The following CSTF3 variants were observed in gnomAD, a reference collection of about 807,000 sequenced individuals.
CSTF3 encodes the protein CF-1 77 kDa subunit.
CSTF3 carries 29 observed loss-of-function variants against 105.8 expected under a neutral mutation model. That is an observed-to-expected ratio of 0.27 (90% CI 0.20 to 0.37). The LOEUF (loss-of-function observed/expected upper bound fraction) is 0.37. Ranked by LOEUF, CSTF3 falls within the 10% of genes least tolerant of loss-of-function variation. The probability of loss-of-function intolerance (pLI) is 1.00; values close to 1 mark genes in which losing one functional copy is unlikely to be tolerated. For synonymous variants in CSTF3, 252 were observed against 281.9 expected, an observed-to-expected ratio of 0.89 and a Z score of 1.06; for missense variants, 357 against 879.3, an observed-to-expected ratio of 0.41 and a Z score of 7.51.
chr11:33,158,700 T>C (rs555521829), intron 1 of CSTF3, among the ~76,000 whole-genome samples: 1 of 152,268 alleles, frequency 6.6e-6, no homozygotes, highest in South Asian at 2.1e-4. Context: ...TGATATAATG[T>C]TAAGTATTCT....
At chr11:33,134,199 T>TA (rs1178544794) in intron 3 of CSTF3, among the ~76,000 whole-genome samples, 1 of 152,218 alleles carries the variant, frequency 6.6e-6, no homozygotes, top group Non-Finnish European at 1.5e-5. Flanking sequence ...AATTTCAAAA[T>TA]AAAGTTACAA....
chr11:33,092,168 T>C, intron 16 of CSTF3, 103 bp downstream of exon 16: 1 of 683,336 alleles, frequency 1.5e-6, no homozygotes, highest in Non-Finnish European at 2.4e-6. Flanking sequence ...AAAGGAAATT[T>C]CTCTTGAAAC....
intron 1 of CSTF3, among the ~76,000 whole-genome samples, chr11:33,160,825 T>C (rs7936601): frequency 0.01 from 1,585 of 152,352 alleles, 27 homozygotes; most frequent in African/African-American, 0.035. Flanking sequence ...AACTTGCTTC[T>C]TTCTTCACTC....
intron 3 of CSTF3, among the ~76,000 whole-genome samples, chr11:33,109,268 C>G (rs1031765185): frequency 6.6e-6 from 1 of 152,164 alleles, no homozygotes; most frequent in African/African-American, 2.4e-5. Flanking sequence ...TCTGTTTCAC[C>G]CAGATAGGTA....
chr11:33,144,364 C>T (rs1412879008), intron 1 of CSTF3, among the ~76,000 whole-genome samples: 2 of 152,104 alleles, frequency 1.3e-5, no homozygotes, highest in Admixed American at 1.3e-4. Flanking sequence ...CATATAAGAA[C>T]TTTATGAATA....
intron 1 of CSTF3, among the ~76,000 whole-genome samples, chr11:33,157,063 A>C (rs537057982): frequency 6.6e-6 from 1 of 151,962 alleles, no homozygotes; most frequent in East Asian, 2.0e-4. Flanking sequence ...AAAAAAACAA[A>C]CACCACAGGC....
At position 33,124,771 on chromosome 11, in the gene CSTF3, T is replaced by A. The variant is rs564802357; in HGVS notation, c.226-16353A>T. On this transcript the variant is annotated intron_variant, in intron 3 of 20. Coordinates refer to ENST00000323959, the MANE Select transcript of CSTF3 (RefSeq NM_001326.3). ...GCATGCGTAACTTCCACAATGGTAT[T>A]TTATTAACATGACTCTGGGTACAGA... Among the ~76,000 whole-genome samples the A allele has an allele frequency of 5.3e-5, 8 of 152,312 alleles. No homozygotes were observed. In the South Asian group the frequency reaches 1.7e-3, roughly 32 times the overall value.
At position 33,099,298 on chromosome 11, in the gene CSTF3, CACAT is replaced by C. The variant is rs1241404435; in HGVS notation, c.937-152_937-149del. 2 of 1,033,742 alleles carry C rather than the reference CACAT, an allele frequency of 1.9e-6. No individual in the cohort carries two copies. The highest frequency in any genetic ancestry group is 3.2e-5 in the Admixed American group (1 of 31,198). 64.0% of individuals were successfully genotyped at this position (1,033,742 alleles called of 1,614,324 possible). On this transcript the variant is annotated intron_variant, in intron 11 of 20. Coordinates refer to ENST00000323959, the MANE Select transcript of CSTF3 (RefSeq NM_001326.3). This position sits in a 1 kb window ranked among gnomAD's most constrained non-coding sequence, Gnocchi z 4.1. ...ACACATATATATGTATCCACACACACACATACATAAACACATATGCATTTCTGGA... is the reference window on the plus strand; with the variant it reads ...ACACATATATATGTATCCACACACACACATAAACACATATGCATTTCTGGA...
In CSTF3 at chr11:33,147,779, G is replaced by A. The variant is rs139996066; in HGVS notation, c.28-5793C>T. On this transcript the variant is annotated intron_variant, in intron 1 of 20. Transcript: ENST00000323959. ...GATTTGCTTTGGAAAAATGCCAGGGGATGGGATAGACAAAGAATCCTACAA... is the reference window on the plus strand; with the variant it reads ...GATTTGCTTTGGAAAAATGCCAGGGAATGGGATAGACAAAGAATCCTACAA... Among the ~76,000 whole-genome samples the A allele has an allele frequency of 2.4e-3, 364 of 152,206 alleles. 1 individual carries two copies. The highest frequency in any genetic ancestry group is 8.7e-3 in the African/African-American group (360 of 41,516).
At chr11:33,128,387 A>G (rs1855566389) in intron 3 of CSTF3, among the ~76,000 whole-genome samples, 1 of 152,100 alleles carries the variant, frequency 6.6e-6, no homozygotes, top group South Asian at 2.1e-4. Context: ...TTTATAAATC[A>G]ACATGTAATT....
chr11:33,142,324 T>C (rs1048995035), intron 1 of CSTF3, among the ~76,000 whole-genome samples: 5 of 99,466 alleles, frequency 5.0e-5, no homozygotes, highest in African/African-American at 1.3e-4. Flanking sequence ...TATATGACGT[T>C]ATTATAATCT....
intron 3 of CSTF3, chr11:33,140,897 T>C (rs1797383592): frequency 6.6e-6 from 1 of 152,114 alleles, no homozygotes; most frequent in African/African-American, 2.4e-5. Flanking sequence ...AAATGACTAC[T>C]TGGTGCCAAT....
intron 3 of CSTF3, among the ~76,000 whole-genome samples, chr11:33,127,999 TATAAA>T (rs1324754535): frequency 1.3e-5 from 2 of 152,208 alleles, no homozygotes; most frequent in Admixed American, 6.5e-5. Flanking sequence ...AAAAAATTCA[TATAAA>T]ATAAGCAATC....
At chr11:33,144,870 TTGGGAAGCTGCGG>T (rs1855761461) in intron 1 of CSTF3, 1 of 252,710 alleles carries the variant, frequency 4.0e-6, no homozygotes, top group Non-Finnish European at 8.0e-6. Context: ...TCTCACGTAC[TTGGGAAGCTGCGG>T]TGGGATCGCT....
intron 3 of CSTF3, among the ~76,000 whole-genome samples, chr11:33,135,806 G>A (rs972206109): frequency 3.3e-5 from 5 of 152,004 alleles, no homozygotes; most frequent in African/African-American, 1.2e-4. Flanking sequence ...ATGAATCTTA[G>A]GACAAAGGAA....
chr11:33,126,123 G>C (rs909881146), intron 3 of CSTF3, among the ~76,000 whole-genome samples: 5 of 152,132 alleles, frequency 3.3e-5, no homozygotes, highest in African/African-American at 1.2e-4. Context: ...AATGTTCACT[G>C]AGGCACTAAA....
chr11:33,142,301 A>C (rs763998793), intron 1 of CSTF3, among the ~76,000 whole-genome samples: 1 of 150,360 alleles, frequency 6.7e-6, no homozygotes, highest in Non-Finnish European at 1.5e-5. Context: ...AACTATTTAC[A>C]TGGCATCTGT....
At chr11:33,152,967 A>G (rs1166706886) in intron 1 of CSTF3, among the ~76,000 whole-genome samples, 1 of 152,060 alleles carries the variant, frequency 6.6e-6, no homozygotes, top group Non-Finnish European at 1.5e-5. Context: ...AAAAAAAAAA[A>G]TAACAATAAT....
At chr11:33,130,995 A>C (rs1364734278) in intron 3 of CSTF3, among the ~76,000 whole-genome samples, 1 of 152,198 alleles carries the variant, frequency 6.6e-6, no homozygotes, top group African/African-American at 2.4e-5. Context: ...ACATTACTGC[A>C]TTCCAGCCTG....
Sources: allele counts gnomAD v4.1 joint callset (sites outside exome capture counted in the v4.1 genomes callset), GRCh38; gene constraint gnomAD v4.1.1; non-coding constraint Gnocchi (gnomAD v3.1); transcripts MANE v1.5; gene names NCBI Gene and HGNC (gene_info 2026-07-23, HGNC 2026-07-21).